TANGO6: variants seen among roughly 807,000 people sequenced by gnomAD.
TANGO6 encodes transport and Golgi organization protein 6 homolog.
TANGO6 carries 90 observed loss-of-function variants against 114.2 expected under a neutral mutation model. The observed-to-expected ratio is 0.79, with a 90% CI of 0.66 to 0.94. TANGO6 has a LOEUF of 0.94. Among genes scored for constraint, TANGO6 ranks in the 40% least tolerant of loss-of-function variants. The pLI, the probability that TANGO6 is intolerant of heterozygous loss-of-function variation, is 0.00. For missense variants in TANGO6, 1,274 were observed against 1,315.3 expected (o/e 0.97, Z 0.49); for synonymous variants, 477 against 509.8 (o/e 0.94, Z 0.87).
intron 14 of TANGO6, among the ~76,000 whole-genome samples, chr16:68,942,561 C>T (rs577398280): frequency 1.8e-4 from 28 of 152,154 alleles, no homozygotes; most frequent in Non-Finnish European, 3.2e-4. Context: ...TTTAATCTGA[C>T]ATAGGAAGAA....
intron 6 of TANGO6, 117 bp downstream of exon 6, chr16:68,878,397 C>T (rs1040244866): frequency 8.0e-7 from 1 of 1,248,806 alleles, no homozygotes; most frequent in Non-Finnish European, 1.1e-6. Flanking sequence ...TCCCCTCCCC[C>T]CAACTTTTTA....
chr16:68,889,502 A>C (rs938646448), intron 7 of TANGO6, among the ~76,000 whole-genome samples: 1 of 152,192 alleles, frequency 6.6e-6, no homozygotes, highest in African/African-American at 2.4e-5. Flanking sequence ...GTACAAATTT[A>C]AGGACAAAAA....
chr16:68,860,771 G>C (rs1207958906), intron 2 of TANGO6, among the ~76,000 whole-genome samples: 1 of 152,224 alleles, frequency 6.6e-6, no homozygotes, highest in South Asian at 2.1e-4. Context: ...GCTATAGCAG[G>C]CTGTTTTTCT....
chr16:68,955,838 G>A lies in TANGO6; in HGVS notation c.2702-18190G>A, dbSNP rs530707987. 3.3e-5 allele frequency among the ~76,000 whole-genome samples: 5 copies of A among 152,134 alleles called. No individual in the cohort carries two copies. The East Asian group carries it at 9.6e-4, about 29-fold the overall frequency. On this transcript the variant is annotated intron_variant, in intron 14 of 17. Coordinates refer to ENST00000261778, the MANE Select transcript of TANGO6 (RefSeq NM_024562.2). ...TGCCTTCCACTTCCAGTAATAATGA[G>A]ATAACTCAGCTAAAAATAACTATTA...
At chr16:68,931,696 G>T (rs1293387703) in intron 14 of TANGO6, among the ~76,000 whole-genome samples, 2 of 152,150 alleles carry the variant, frequency 1.3e-5, no homozygotes, top group Non-Finnish European at 2.9e-5. Flanking sequence ...AGAATAGGCA[G>T]TTTTTTAGAG....
At chr16:68,867,257 T>C in intron 4 of TANGO6, 37 bp downstream of exon 4, 1 of 1,612,480 alleles carries the variant, frequency 6.2e-7, no homozygotes, top group Non-Finnish European at 8.5e-7. Context: ...TTGGTATCTG[T>C]TTTCCTTTGA....
At chr16:69,082,294 G>A (rs1259332220) in intron 17 of TANGO6, among the ~76,000 whole-genome samples, 2 of 151,868 alleles carry the variant, frequency 1.3e-5, no homozygotes, top group East Asian at 3.9e-4. Flanking sequence ...GGTAGAGACA[G>A]GGTTTCACCA....
At chr16:68,983,086 A>G (rs187339247) in intron 15 of TANGO6, among the ~76,000 whole-genome samples, 1 of 152,012 alleles carries the variant, frequency 6.6e-6, no homozygotes, top group East Asian at 1.9e-4. Flanking sequence ...CTGGCCTCAA[A>G]TGATCCTCCT....
intron 14 of TANGO6, among the ~76,000 whole-genome samples, chr16:68,968,398 CTT>C (rs1307604850): frequency 6.7e-6 from 1 of 148,470 alleles, no homozygotes; most frequent in Non-Finnish European, 1.5e-5. Context: ...AGTTTTCACT[CTT>C]GTTTCCCAGG....
At chr16:68,924,925 G>C (rs553316269) in intron 12 of TANGO6, among the ~76,000 whole-genome samples, 1 of 152,096 alleles carries the variant, frequency 6.6e-6, no homozygotes, top group South Asian at 2.1e-4. Flanking sequence ...TGTCCAGCCC[G>C]AGGCCAGGGA....
intron 16 of TANGO6, among the ~76,000 whole-genome samples, chr16:69,023,670 C>T (rs1442744718): frequency 6.6e-6 from 1 of 152,014 alleles, no homozygotes; most frequent in African/African-American, 2.4e-5. Flanking sequence ...ACAGAAAAAT[C>T]TCAGGCAAAT....
intron 17 of TANGO6, among the ~76,000 whole-genome samples, chr16:69,041,924 G>A (rs1959780091): frequency 6.6e-6 from 1 of 152,142 alleles, no homozygotes; most frequent in Non-Finnish European, 1.5e-5. Context: ...ATGGCTACAA[G>A]ATAGCTGCTG....
chr16:69,044,308 A>C (rs1005741269), intron 17 of TANGO6, among the ~76,000 whole-genome samples: 1 of 152,140 alleles, frequency 6.6e-6, no homozygotes, highest in African/African-American at 2.4e-5. Context: ...CAACTGAGCC[A>C]CTGTGCCTGG....
chr16:68,953,835 G>A (rs545519078), intron 14 of TANGO6, among the ~76,000 whole-genome samples: 1 of 152,258 alleles, frequency 6.6e-6, no homozygotes, highest in South Asian at 2.1e-4. Flanking sequence ...AAATTAAGAT[G>A]TATTTAATTG....
intron 16 of TANGO6, among the ~76,000 whole-genome samples, chr16:69,029,111 A>G (rs139770964): frequency 1.3e-5 from 2 of 152,210 alleles, no homozygotes; most frequent in Admixed American, 6.5e-5. Flanking sequence ...ATGATTTACT[A>G]TCCAAAGTGT....
intron 17 of TANGO6, among the ~76,000 whole-genome samples, chr16:69,054,499 A>G (rs1299219210): frequency 6.6e-6 from 1 of 152,168 alleles, no homozygotes; most frequent in Non-Finnish European, 1.5e-5. Flanking sequence ...GAATCAATTT[A>G]TCATCCAGAC....
intron 15 of TANGO6, among the ~76,000 whole-genome samples, chr16:68,981,331 C>G (rs1261417842): frequency 6.6e-6 from 1 of 151,254 alleles, no homozygotes; most frequent in East Asian, 1.9e-4. Flanking sequence ...CTGCCTCAGC[C>G]CCCTGAGTAG....
chr16:69,077,744 G>T (rs1016387880), intron 17 of TANGO6, among the ~76,000 whole-genome samples: 1 of 152,054 alleles, frequency 6.6e-6, no homozygotes, highest in Admixed American at 6.6e-5. Context: ...CACAAGAATC[G>T]CTTGAACCCA....
chr16:69,049,874 C>A (rs781273411), intron 17 of TANGO6, among the ~76,000 whole-genome samples: 13 of 152,128 alleles, frequency 8.5e-5, no homozygotes, highest in Non-Finnish European at 1.8e-4. Context: ...AGCCACCACA[C>A]CCTGCCTGGC....
Sources: allele counts gnomAD v4.1 joint callset (sites outside exome capture counted in the v4.1 genomes callset), GRCh38; gene constraint gnomAD v4.1.1; transcripts MANE v1.5; gene names NCBI Gene and HGNC (gene_info 2026-07-23, HGNC 2026-07-21).